The following KANSL1 variants were observed in gnomAD, a reference collection of about 807,000 sequenced individuals.
KANSL1 encodes MLL1/MLL complex subunit KANSL1.
Under a neutral mutation model 103.6 loss-of-function variants are expected in KANSL1, and 22 were observed. That is an observed-to-expected ratio of 0.21 (90% confidence interval 0.15 to 0.30). The LOEUF (loss-of-function observed/expected upper bound fraction) is 0.30, where lower values mean the gene tolerates loss of function less well. Ranked by LOEUF, KANSL1 falls within the 10% of genes least tolerant of loss-of-function variation. The pLI is 1.00. For synonymous variants in KANSL1, 600 were observed against 527.6 expected, an observed-to-expected ratio of 1.14 and a Z score of -1.88; for missense variants, 1,337 against 1,399.8, an observed-to-expected ratio of 0.96 and a Z score of 0.72.
At chr17:46,209,603 C>G (rs1303594507) in intron 1 of KANSL1, among the ~76,000 whole-genome samples, 1 of 152,164 alleles carries the variant, frequency 6.6e-6, no homozygotes, top group Non-Finnish European at 1.5e-5. Context: ...AAGCCATTCT[C>G]CCACCTCAGC....
intron 2 of KANSL1, among the ~76,000 whole-genome samples, chr17:46,119,115 C>G (rs1041285197): frequency 2.6e-5 from 4 of 152,180 alleles, no homozygotes; most frequent in Non-Finnish European, 4.4e-5. Flanking sequence ...TTCCTTTGTT[C>G]CGGGCATTGT....
chr17:46,127,968 A>G (rs941334801), intron 2 of KANSL1, among the ~76,000 whole-genome samples: 2 of 151,222 alleles, frequency 1.3e-5, no homozygotes, highest in African/African-American at 2.4e-5. Flanking sequence ...GAAGATACCC[A>G]AACACCCCTT....
intron 13 of KANSL1, chr17:46,032,520 G>A (rs2077039553): frequency 2.2e-6 from 1 of 462,148 alleles, no homozygotes; most frequent in East Asian, 3.3e-5. Flanking sequence ...AATGCCAGGT[G>A]AGTCCATAGC....
At chr17:46,219,250 T>TAAAAAA (rs66536813) in intron 1 of KANSL1, among the ~76,000 whole-genome samples, 28 of 135,296 alleles carry the variant, frequency 2.1e-4, no homozygotes, top group African/African-American at 8.1e-4. Flanking sequence ...TCTTGTCTCA[T>TAAAAAA]AAAAAAAAAA....
At chr17:46,181,677 C>A (rs542230528) in intron 1 of KANSL1, among the ~76,000 whole-genome samples, 6 of 152,206 alleles carry the variant, frequency 3.9e-5, no homozygotes, top group African/African-American at 1.4e-4. Flanking sequence ...GGTGATCGAC[C>A]CGCCTCGGCC....
chr17:46,073,360 G>C (rs777146875), intron 4 of KANSL1, among the ~76,000 whole-genome samples: 31 of 152,082 alleles, frequency 2.0e-4, no homozygotes, highest in Admixed American at 1.2e-3. Flanking sequence ...CACAAATAAT[G>C]TGTTACTTGT....
chr17:46,083,439 T>TG (rs1220119555), intron 3 of KANSL1, among the ~76,000 whole-genome samples: 3 of 152,198 alleles, frequency 2.0e-5, no homozygotes, highest in East Asian at 1.9e-4. Flanking sequence ...CAGAATCACC[T>TG]GGGGAACCTT....
intron 6 of KANSL1, among the ~76,000 whole-genome samples, chr17:46,065,908 A>G (rs959445808): frequency 6.6e-5 from 10 of 152,118 alleles, no homozygotes; most frequent in African/African-American, 2.2e-4. Flanking sequence ...CTGTCACCCA[A>G]GCTTAAGTAC....
intron 3 of KANSL1, chr17:46,093,185 T>A (rs932128116): frequency 1.4e-4 from 21 of 152,186 alleles, no homozygotes; most frequent in Non-Finnish European, 5.9e-5. Context: ...AGAGAAAGAC[T>A]GTGTTTTTCT....
intron 1 of KANSL1, among the ~76,000 whole-genome samples, chr17:46,214,376 G>A (rs940087409): frequency 3.9e-5 from 6 of 152,306 alleles, no homozygotes; most frequent in Non-Finnish European, 5.9e-5. Flanking sequence ...AGTGATGGCC[G>A]GGTATGGTGG....
intron 6 of KANSL1, among the ~76,000 whole-genome samples, chr17:46,052,964 CAAAAAAAAA>C (rs34473927): frequency 1.2e-3 from 40 of 32,954 alleles, no homozygotes; most frequent in South Asian, 1.7e-3. Flanking sequence ...ATCCTGTCTC[CAAAAAAAAA>C]AAAAAAAAAA....
chr17:46,153,316 G>C (rs1215387240), intron 2 of KANSL1, among the ~76,000 whole-genome samples: 1 of 152,238 alleles, frequency 6.6e-6, no homozygotes, highest in Non-Finnish European at 1.5e-5. Context: ...CTTCTAGAAA[G>C]ATGGGCACAA....
chr17:46,096,311 C>CTTTTTCTTTTTTTTTTTTTTTTTTTTTT (rs1555760872), intron 2 of KANSL1, among the ~76,000 whole-genome samples: 2 of 76,408 alleles, frequency 2.6e-5, no homozygotes, highest in African/African-American at 5.6e-5. Context: ...GCTTTTTTTT[C>CTTTTTCTTTTTTTTTTTTTTTTTTTTTT]TTTTTTTTTT....
At position 46,033,126 on chromosome 17, in the gene KANSL1, G is replaced by T; in HGVS notation, c.2791C>A (p.Arg931=). 5 of 1,603,676 alleles carry T rather than the reference G, an allele frequency of 3.1e-6. No homozygotes were observed. The highest frequency in any genetic ancestry group is 4.3e-6 in the Non-Finnish European group (5 of 1,174,842). ...HAKCEEMERA[R]WLWTTSVPPQ... is the part of the protein sequence containing the mutation. ...GGCACACTCGTGGTCCACAGCCACC[G>T]TGCCCTCTCCATCTCCTCACATTTG... The change falls in exon 13 of 15, where the codon CGG becomes AGG. Residue 931 remains arginine, a synonymous_variant. Coordinates refer to ENST00000432791, the MANE Select transcript of KANSL1 (RefSeq NM_015443.4).
chr17:46,060,046 AAATTCCCACGTTCCCTTAATT>A (rs2078103892), intron 6 of KANSL1, among the ~76,000 whole-genome samples: 1 of 152,226 alleles, frequency 6.6e-6, no homozygotes, highest in Non-Finnish European at 1.5e-5. Context: ...ATACACGAAG[AAATTCCCACGTTCCCTTAATT>A]AATACTGCAA....
chr17:46,145,578 A>C (rs986227630), intron 2 of KANSL1, among the ~76,000 whole-genome samples: 5 of 152,256 alleles, frequency 3.3e-5, no homozygotes, highest in Non-Finnish European at 7.3e-5. Flanking sequence ...GCACTAAATA[A>C]TTTTATAAGA....
chr17:46,211,522 G>C (rs2148025265), intron 1 of KANSL1, among the ~76,000 whole-genome samples: 1 of 152,224 alleles, frequency 6.6e-6, no homozygotes, highest in East Asian at 1.9e-4. Context: ...GCTGTAAATA[G>C]AACATATTTT....
chr17:46,038,460 C>T (rs1161170279), intron 10 of KANSL1, 78 bp downstream of exon 10: 1 of 1,516,022 alleles, frequency 6.6e-7, no homozygotes, highest in Admixed American at 1.9e-5. Context: ...AACCCACCCT[C>T]ACACTGTCCT....
intron 1 of KANSL1, among the ~76,000 whole-genome samples, chr17:46,175,854 CAT>C (rs1439347628): frequency 1.3e-5 from 2 of 152,192 alleles, no homozygotes; most frequent in Non-Finnish European, 2.9e-5. Flanking sequence ...TATTATTAAA[CAT>C]TGTGTTACAG....
Sources: allele counts gnomAD v4.1 joint callset (sites outside exome capture counted in the v4.1 genomes callset), GRCh38; gene constraint gnomAD v4.1.1; transcripts MANE v1.5; gene names NCBI Gene and HGNC (gene_info 2026-07-23, HGNC 2026-07-21).